MMADHC: variants seen among roughly 807,000 people sequenced by gnomAD.
The protein encoded by MMADHC is cobalamin trafficking protein CblD.
A neutral mutation model predicts 36.3 loss-of-function variants in MMADHC; 23 were observed. The observed-to-expected ratio is 0.63, with a 90% CI of 0.46 to 0.90. MMADHC has a LOEUF of 0.90. Among genes scored for constraint, MMADHC ranks in the 40% least tolerant of loss-of-function variants. MMADHC has a pLI of 0.00. For synonymous variants in MMADHC, 97 were observed against 116.1 expected (o/e 0.84, Z 1.06); for missense variants, 330 against 348.0 (o/e 0.95, Z 0.41).
chr2:149,574,217 C>T (rs1682682701), intron 6 of MMADHC, among the ~76,000 whole-genome samples: 1 of 152,058 alleles, frequency 6.6e-6, no homozygotes, highest in African/African-American at 2.4e-5. Context: ...ATACATGTGA[C>T]AATATACTAG....
At chr2:149,573,244 T>TCAAA (rs35931030) in intron 6 of MMADHC, among the ~76,000 whole-genome samples, 2,406 of 152,086 alleles carry the variant, frequency 0.016, 33 homozygotes, top group African/African-American at 0.022. Context: ...AGACTAGTTT[T>TCAAA]CAAACAAACA....
chr2:149,582,088 G>C, intron 3 of MMADHC, 39 bp downstream of exon 3: 1 of 1,609,350 alleles, frequency 6.2e-7, no homozygotes, highest in Non-Finnish European at 8.5e-7. Context: ...AAAATGTTTT[G>C]AAACAATTAT....
chr2:149,574,585 G>T (rs988721032), intron 6 of MMADHC, among the ~76,000 whole-genome samples: 5 of 152,106 alleles, frequency 3.3e-5, no homozygotes, highest in Admixed American at 2.6e-4. Context: ...AACACCCAGG[G>T]TAAGCTAGCA....
At chr2:149,586,981 A>G (rs1682880504) in intron 2 of MMADHC, 108 bp downstream of exon 2, 9 of 1,140,712 alleles carry the variant, frequency 7.9e-6, no homozygotes, top group Non-Finnish European at 1.1e-5. Context: ...TTGATACATT[A>G]TATCTAACAC....
At chr2:149,576,322 C>A in intron 5 of MMADHC, 115 bp downstream of exon 5, 1 of 771,136 alleles carries the variant, frequency 1.3e-6, no homozygotes, top group Non-Finnish European at 2.3e-6. Context: ...CATTTCCAGC[C>A]AGATACGGTA....
chr2:149,580,159 C>CT (rs1306460633), intron 3 of MMADHC, among the ~76,000 whole-genome samples: 10 of 152,182 alleles, frequency 6.6e-5, no homozygotes, highest in African/African-American at 2.4e-4. Context: ...GTGCACACCA[C>CT]TATGCCCAGC....
In MMADHC at chr2:149,569,837, T is replaced by G; in HGVS notation, c.*137A>C. The G allele has an allele frequency of 1.3e-6, 1 of 792,030 alleles. No individual in the cohort carries two copies. Among genetic ancestry groups the G allele is most frequent in the Non-Finnish European group, 2.0e-6 (1 of 498,364 alleles). The allele number at this position is 792,030 out of a possible 1,614,324, so 49.1% of individuals were successfully genotyped here. ...TGCAATTTTAAAATCCCAAATCACT[T>G]GCCAATGTTGTAAATTCATAAATGC... On this transcript the variant is annotated 3_prime_UTR_variant, in exon 8 of 8. Coordinates refer to ENST00000303319, the MANE Select transcript of MMADHC (RefSeq NM_015702.3).
Position 149,582,274 on chromosome 2 carries a change from A to G in MMADHC, c.10-3T>C, listed in dbSNP as rs886054921. On this transcript the variant is annotated splice_polypyrimidine_tract_variant and splice_region_variant and intron_variant, in intron 2 of 7. Transcript: ENST00000303319. ...AGTCTGGCTCTGTTACAAAGCACCT[A>G]GAAATGACACAAAATTAAAACTATT... 4 of 1,613,530 alleles carry G rather than the reference A, an allele frequency of 2.5e-6. No individual in the cohort carries two copies.
Position 149,575,808 on chromosome 2 carries a change from C to T in MMADHC, c.512G>A (p.Gly171Asp), listed in dbSNP as rs1386629347. ...FESLFPEVAN[G>D]KLMILTVTQK... is the part of the protein sequence containing the mutation. ...TGTTACAGTCAGAATCATTAGTTTG[C>T]CATTAGCTACTTCTGGAAACAGTGA... is the stretch of plus-strand genomic sequence containing the variant. The change falls in exon 6 of 8, where the codon GGC (glycine) becomes GAC (aspartate). Residue 171 changes from glycine to aspartate, a missense_variant. By Grantham distance (94) the Gly-to-Asp change is moderately conservative (BLOSUM62 -1). Transcript: ENST00000303319. 6 of 1,603,530 alleles carry T rather than the reference C, an allele frequency of 3.7e-6. No individual in the cohort carries two copies. In the South Asian group the frequency reaches 5.5e-5, roughly 15 times the overall value.
intron 6 of MMADHC, among the ~76,000 whole-genome samples, chr2:149,574,969 T>C (rs1682692545): frequency 1.3e-5 from 2 of 152,172 alleles, no homozygotes; most frequent in South Asian, 4.1e-4. Flanking sequence ...CTGGATAATT[T>C]TTTTTGTAGA....
intron 4 of MMADHC, among the ~76,000 whole-genome samples, chr2:149,577,590 G>T (rs936398507): frequency 6.6e-6 from 1 of 152,052 alleles, no homozygotes. Flanking sequence ...GCTGAGGCAC[G>T]AGAATTGCTT....
chr2:149,584,174 A>G (rs574820382), intron 2 of MMADHC, among the ~76,000 whole-genome samples: 1 of 152,322 alleles, frequency 6.6e-6, no homozygotes, highest in East Asian at 1.9e-4. Flanking sequence ...GATATTTAAG[A>G]GAATGCCTCA....
chr2:149,571,969 A>C (rs1682646940), intron 6 of MMADHC, among the ~76,000 whole-genome samples: 1 of 152,162 alleles, frequency 6.6e-6, no homozygotes, highest in Non-Finnish European at 1.5e-5. Context: ...AAAATAATAT[A>C]ACCTGGTAAA....
At chr2:149,573,151 T>C (rs971582386) in intron 6 of MMADHC, among the ~76,000 whole-genome samples, 10 of 152,182 alleles carry the variant, frequency 6.6e-5, no homozygotes, top group Non-Finnish European at 1.5e-4. Context: ...ACTAGCCTCC[T>C]GCACTAGGTC....
In MMADHC at chr2:149,569,887, A is replaced by T; in HGVS notation, c.*87T>A. The T allele has an allele frequency of 8.6e-7, 1 of 1,168,586 alleles. No individual in the cohort carries two copies. The highest frequency in any genetic ancestry group is 1.2e-6 in the Non-Finnish European group (1 of 806,752). 72.4% of individuals were successfully genotyped at this position (1,168,586 alleles called of 1,614,324 possible). On this transcript the variant is annotated 3_prime_UTR_variant, in exon 8 of 8. Coordinates refer to ENST00000303319, the MANE Select transcript of MMADHC (RefSeq NM_015702.3). ...CTGAAATAAATACTTAGAAATAAATATATTTTAAAAACTTTAGTCTGACAG... is the reference window on the plus strand; with the variant it reads ...CTGAAATAAATACTTAGAAATAAATTTATTTTAAAAACTTTAGTCTGACAG...
At chr2:149,571,369 CTT>C (rs1558845141) in intron 6 of MMADHC, among the ~76,000 whole-genome samples, 198 bp from the exon 7 acceptor site, 1 of 152,146 alleles carries the variant, frequency 6.6e-6, no homozygotes, top group African/African-American at 2.4e-5. Flanking sequence ...TAACACAACA[CTT>C]TATTTCAAAA....
At chr2:149,580,901 A>G (rs1277364404) in intron 3 of MMADHC, among the ~76,000 whole-genome samples, 1 of 152,212 alleles carries the variant, frequency 6.6e-6, no homozygotes, top group Admixed American at 6.5e-5. Flanking sequence ...AGTGGGGCTC[A>G]AGATTTTGTA....
chr2:149,580,403 C>T (rs547514600), intron 3 of MMADHC, among the ~76,000 whole-genome samples: 1 of 152,174 alleles, frequency 6.6e-6, no homozygotes, highest in South Asian at 2.1e-4. Flanking sequence ...GCTCTGTTTA[C>T]CAGCCACATG....
chr2:149,576,629 A>C, intron 4 of MMADHC, 87 bp from the exon 5 acceptor site: 1 of 910,534 alleles, frequency 1.1e-6, no homozygotes, highest in Non-Finnish European at 1.8e-6. Context: ...TTCCTTAGAA[A>C]GCTTTTTGTT....
Sources: gnomAD v4.1 joint callset for allele counts (sites outside exome capture counted in the v4.1 genomes callset) on GRCh38, gnomAD v4.1.1 for gene constraint, MANE v1.5 for transcripts, NCBI Gene and HGNC (gene_info 2026-07-23, HGNC 2026-07-21) for gene names.